The following TRAF3 variants were observed in gnomAD, a reference collection of about 807,000 sequenced individuals.
TRAF3 encodes the protein TNF receptor-associated factor 3.
Under a neutral mutation model 62.3 loss-of-function variants are expected in TRAF3, and 13 were observed. That is an observed-to-expected ratio of 0.21 (90% CI 0.14 to 0.33). The LOEUF is 0.33. Among genes scored for constraint, TRAF3 ranks in the 10% least tolerant of loss-of-function variants. The probability of loss-of-function intolerance (pLI) is 1.00; values close to 1 mark genes in which losing one functional copy is unlikely to be tolerated. For synonymous variants in TRAF3, 269 were observed against 283.4 expected, an observed-to-expected ratio of 0.95 and a Z score of 0.51; for missense variants, 440 against 741.8, an observed-to-expected ratio of 0.59 and a Z score of 4.73.
intron 2 of TRAF3, among the ~76,000 whole-genome samples, chr14:102,853,007 T>C (rs1887139678): frequency 6.6e-6 from 1 of 152,180 alleles, no homozygotes; most frequent in African/African-American, 2.4e-5. Flanking sequence ...GATTCTCATA[T>C]TCTCCTGCCT....
chr14:102,780,769 C>G (rs889015776), intron 1 of TRAF3, among the ~76,000 whole-genome samples: 8 of 152,074 alleles, frequency 5.3e-5, no homozygotes, highest in Non-Finnish European at 1.0e-4. Context: ...GTTCTGGTTA[C>G]CGTGCTGGGA....
intron 2 of TRAF3, among the ~76,000 whole-genome samples, chr14:102,834,937 G>T (rs1396437048): frequency 6.6e-6 from 1 of 152,042 alleles, no homozygotes; most frequent in African/African-American, 2.4e-5. Context: ...TACAGCAAAA[G>T]AAATTATCGA....
chr14:102,862,744 T>C (rs1185717953), intron 2 of TRAF3, among the ~76,000 whole-genome samples: 5 of 152,194 alleles, frequency 3.3e-5, no homozygotes, highest in Non-Finnish European at 7.3e-5. Context: ...AATATGTATG[T>C]TGGTACAATT....
At chr14:102,884,857 A>G (rs370783961) in intron 6 of TRAF3, among the ~76,000 whole-genome samples, 6 of 152,016 alleles carry the variant, frequency 3.9e-5, no homozygotes, top group African/African-American at 1.4e-4. Flanking sequence ...TTAACCACAC[A>G]TTACTAAAGA....
chr14:102,780,012 A>G (rs1897208217), intron 1 of TRAF3, among the ~76,000 whole-genome samples: 2 of 152,364 alleles, frequency 1.3e-5, no homozygotes, highest in Admixed American at 1.3e-4. Context: ...AGGAAGAAAA[A>G]TCACTTGGTG....
intron 9 of TRAF3, among the ~76,000 whole-genome samples, chr14:102,893,776 G>A (rs984804989): frequency 7.9e-5 from 12 of 152,138 alleles, no homozygotes; most frequent in Non-Finnish European, 1.3e-4. Context: ...GATCTCTCCC[G>A]GACTCTGTCC....
intron 5 of TRAF3, among the ~76,000 whole-genome samples, 158 bp from the exon 6 acceptor site, chr14:102,876,200 T>C (rs1040446938): frequency 6.6e-6 from 1 of 152,232 alleles, no homozygotes; most frequent in Non-Finnish European, 1.5e-5. Context: ...TGAAATTCAG[T>C]GTCTCTTGGC....
intron 1 of TRAF3, among the ~76,000 whole-genome samples, chr14:102,806,719 G>C (rs146106161): frequency 3.0e-3 from 462 of 152,298 alleles, no homozygotes; most frequent in Non-Finnish European, 5.0e-3. Flanking sequence ...GCTGATTCCA[G>C]AAGAATAGAG....
At chr14:102,788,526 G>A (rs1897616839) in intron 1 of TRAF3, among the ~76,000 whole-genome samples, 1 of 152,072 alleles carries the variant, frequency 6.6e-6, no homozygotes, top group Non-Finnish European at 1.5e-5. Context: ...TTGGTTGGGT[G>A]TGGTGTCTCA....
At chr14:102,877,427 ATAATCCATTCCACAGGACT>A (rs1888757910) in intron 6 of TRAF3, among the ~76,000 whole-genome samples, 1 of 138,954 alleles carries the variant, frequency 7.2e-6, no homozygotes, top group Non-Finnish European at 1.5e-5. Flanking sequence ...CAGCTCATAG[ATAATCCATTCCACAGGACT>A]TCTGCTTAGC....
In TRAF3 at chr14:102,864,250, G is replaced by A. The variant is rs978188052; in HGVS notation, c.-17-5935G>A. 8.1e-5 allele frequency among the ~76,000 whole-genome samples: 12 copies of A among 148,156 alleles called. No homozygotes were observed. The South Asian group carries it at 8.6e-4, about 11-fold the overall frequency. On this transcript the variant is annotated intron_variant, in intron 2 of 11. Transcript: ENST00000392745. ...TGCAAGCTCCGCCTCCCAGGTTCACGCCATTCTCCTGCCTCAGCCTCTCTA... is the reference window on the plus strand; with the variant it reads ...TGCAAGCTCCGCCTCCCAGGTTCACACCATTCTCCTGCCTCAGCCTCTCTA...
At chr14:102,800,602 T>TA (rs1050695382) in intron 1 of TRAF3, among the ~76,000 whole-genome samples, 1 of 152,202 alleles carries the variant, frequency 6.6e-6, no homozygotes, top group African/African-American at 2.4e-5. Context: ...GGCCTGAACT[T>TA]ATGTGAGGCT....
At chr14:102,781,586 GGT>G (rs1897274542) in intron 1 of TRAF3, among the ~76,000 whole-genome samples, 1 of 151,894 alleles carries the variant, frequency 6.6e-6, no homozygotes, top group African/African-American at 2.4e-5. Context: ...TTCTAGTCTG[GGT>G]AACACAGTGA....
chr14:102,847,638 A>T (rs932666401), intron 2 of TRAF3, among the ~76,000 whole-genome samples: 5 of 152,176 alleles, frequency 3.3e-5, no homozygotes, highest in Admixed American at 3.3e-4. Context: ...TCAAGCTTCC[A>T]TATATCTCCT....
chr14:102,807,644 GTT>G (rs993869197), intron 1 of TRAF3, among the ~76,000 whole-genome samples: 21 of 152,250 alleles, frequency 1.4e-4, no homozygotes, highest in African/African-American at 5.1e-4. Context: ...CAGAGTTGGG[GTT>G]TTTGTGTAGG....
chr14:102,906,077 CAT>C lies in TRAF3; in HGVS notation c.*298_*299del, dbSNP rs1476169624. 1.5e-5 allele frequency: 5 copies of C among 324,568 alleles called. 1 individual carries two copies. The East Asian group carries it at 2.8e-4, about 18-fold the overall frequency. 20.1% of individuals were successfully genotyped at this position (324,568 alleles called of 1,614,324 possible). A position where few individuals can be genotyped will look rare whatever the true frequency, so the allele number is the denominator to read the frequency against. On this transcript the variant is annotated 3_prime_UTR_variant, in exon 12 of 12. Coordinates refer to ENST00000392745, the MANE Select transcript of TRAF3 (RefSeq NM_145725.3). ...AGATCTAGTTAATTAAGGTGGAAAA[CAT>C]ATATGCTAAACAAAAGAAACATGAT...
At chr14:102,806,964 G>C (rs1898811481) in intron 1 of TRAF3, among the ~76,000 whole-genome samples, 1 of 152,098 alleles carries the variant, frequency 6.6e-6, no homozygotes, top group Non-Finnish European at 1.5e-5. Flanking sequence ...AGAAGACTGG[G>C]GAGCATTTCT....
Position 102,812,645 on chromosome 14 carries a change from C to T in TRAF3, c.-156-17689C>T, listed in dbSNP as rs372955488. On this transcript the variant is annotated intron_variant, in intron 1 of 11. Coordinates refer to ENST00000392745, the MANE Select transcript of TRAF3 (RefSeq NM_145725.3). Reference sequence around the variant, plus strand: ...AAGAGTTGCCTTTTCTCAGGCCGGGCGTGGTGGCTCACGCCTGTAATCCCA... The same window carrying T: ...AAGAGTTGCCTTTTCTCAGGCCGGGTGTGGTGGCTCACGCCTGTAATCCCA... Among the ~76,000 whole-genome samples, 93 of 152,212 alleles carry T rather than the reference C, an allele frequency of 6.1e-4. 1 individual carries two copies. In the Middle Eastern group the frequency reaches 0.017, roughly 28 times the overall value.
intron 1 of TRAF3, among the ~76,000 whole-genome samples, chr14:102,807,439 CTG>C (rs1257781389): frequency 6.6e-6 from 1 of 152,252 alleles, no homozygotes; most frequent in Non-Finnish European, 1.5e-5. Context: ...CCCCACAGGG[CTG>C]TGTCCCTTTC....
Sources: gnomAD v4.1 joint callset for allele counts (sites outside exome capture counted in the v4.1 genomes callset) on GRCh38, gnomAD v4.1.1 for gene constraint, MANE v1.5 for transcripts, NCBI Gene and HGNC (gene_info 2026-07-23, HGNC 2026-07-21) for gene names.